The following NLE1 variants were observed in gnomAD, a reference collection of about 807,000 sequenced individuals.
NLE1 encodes notchless protein homolog 1.
NLE1 carries 37 observed loss-of-function variants against 62.8 expected under a neutral mutation model. That is an observed-to-expected ratio of 0.59 (90% CI 0.45 to 0.78). The LOEUF is 0.78. NLE1 is among the 30% of genes least tolerant of loss of function. The pLI is 0.00. For synonymous variants in NLE1, 243 were observed against 253.0 expected (o/e 0.96, Z 0.37); for missense variants, 555 against 637.9 (o/e 0.87, Z 1.40).
chr17:35,138,939 T>C (rs2091925978), intron 4 of NLE1, among the ~76,000 whole-genome samples: 1 of 152,002 alleles, frequency 6.6e-6, no homozygotes, highest in Non-Finnish European at 1.5e-5. Flanking sequence ...CTCAAGGACA[T>C]GGTCTCTACC....
At position 35,130,307 on chromosome 17, in the gene NLE1, G is replaced by C; in HGVS notation, c.*2130C>G. On this transcript the variant is annotated 3_prime_UTR_variant, in exon 13 of 13. Transcript: ENST00000442241. ...TTTGCAACCCTGGCCACTGACTTCA[G>C]CAGCTTTCCTGAGAACTACCCCATC... 6.2e-7 allele frequency: 1 copy of C among 1,614,038 alleles called. No individual in the cohort carries two copies. The highest frequency in any genetic ancestry group is 8.5e-7 in the Non-Finnish European group (1 of 1,179,960).
At chr17:35,138,869 A>C (rs1339520285) in intron 4 of NLE1, among the ~76,000 whole-genome samples, 1 of 152,038 alleles carries the variant, frequency 6.6e-6, no homozygotes, top group Non-Finnish European at 1.5e-5. Flanking sequence ...TCAGCCTCTC[A>C]CCATGTCCCA....
In NLE1 at chr17:35,142,050, A is replaced by C. The variant is rs2091947544; in HGVS notation, c.91T>G (p.Ser31Ala). ...FQDEGGQLLG[S>A]PFDVPVDITP... ...ATGTCCACGGGCACGTCGAACGGGG[A>C]ACCCAGCAGCTGCCCGCCCTCATCC... is the stretch of plus-strand genomic sequence containing the variant. Residue 31 changes from serine (S) to alanine (A), a missense_variant, in exon 2 of 13, where the codon TCC becomes GCC. Physicochemically the swap from Ser to Ala is moderately conservative, Grantham distance 99. Coordinates refer to ENST00000442241, the MANE Select transcript of NLE1 (RefSeq NM_018096.5). The C allele has an allele frequency of 6.2e-7, 1 of 1,612,510 alleles. No homozygotes were observed. Among genetic ancestry groups the C allele is most frequent in the Non-Finnish European group, 8.5e-7 (1 of 1,179,816 alleles).
rs2091865279 is a variant in NLE1 at position 35,129,734 on chromosome 17, G to A, written c.*2703C>T. On this transcript the variant is annotated 3_prime_UTR_variant, in exon 13 of 13. Transcript: ENST00000442241. ...AGGGAACCAGGGCTTTGGAGGTTGG[G>A]AACACCCCTATGCCCACATGACTCA... The A allele has an allele frequency of 6.5e-7, 1 of 1,548,986 alleles. No individual in the cohort carries two copies. Among genetic ancestry groups the A allele is most frequent in the African/African-American group, 1.4e-5 (1 of 73,146 alleles).
In NLE1 at chr17:35,136,354, T is replaced by A. The variant is rs1185276812; in HGVS notation, c.964+8A>T. On this transcript the variant is annotated splice_region_variant and intron_variant, in intron 8 of 12. Transcript: ENST00000442241. The stretch of plus-strand genomic sequence containing the variant: ...CAGCCCCCGCTCTTCCTTCTCCCAA[T>A]CACTCACAGGATCCTTGGAGGTCTT... 1 of 1,612,026 alleles carries A rather than the reference T, an allele frequency of 6.2e-7. No individual in the cohort carries two copies. Among genetic ancestry groups the A allele is most frequent in the African/African-American group, 1.3e-5 (1 of 74,900 alleles).
At chr17:35,139,184 C>A (rs748217560) in intron 4 of NLE1, 51 bp downstream of exon 4, 2 of 1,508,312 alleles carry the variant, frequency 1.3e-6, no homozygotes, top group Non-Finnish European at 1.8e-6. Context: ...CAGAGCAAGA[C>A]CTTGTCTCAA....
Position 35,137,841 on chromosome 17 carries a change from C to A in NLE1, c.510G>T (p.Lys170Asn), listed in dbSNP as rs749436682. The change falls in exon 5 of 13, where the codon AAG (lysine) becomes AAT (asparagine). Residue 170 changes from lysine to asparagine, a missense_variant. Transcript: ENST00000442241. ...LSISWSPDGR[K>N]LASGCKNGQI... ...GGCCATTCTTGCAGCCTGAGGCCAG[C>A]TTCCTGCCATCTGGAGACCAGGATA... is the stretch of plus-strand genomic sequence containing the variant. 1.2e-6 allele frequency: 2 copies of A among 1,613,736 alleles called. No homozygotes were observed. The highest frequency in any genetic ancestry group is 1.7e-6 in the Non-Finnish European group (2 of 1,179,716).
chr17:35,137,005 T>C lies in NLE1; in HGVS notation c.824A>G (p.His275Arg), dbSNP rs1171390576. 3 of 1,597,232 alleles carry C rather than the reference T, an allele frequency of 1.9e-6. No homozygotes were observed. Among genetic ancestry groups the C allele is most frequent in the Non-Finnish European group, 2.6e-6 (3 of 1,167,158 alleles). Residue 275 changes from histidine to arginine, a missense_variant, in exon 7 of 13, where the codon CAT (histidine) becomes CGT (arginine). By Grantham distance (29) the His-to-Arg change is conservative. Coordinates refer to ENST00000442241, the MANE Select transcript of NLE1 (RefSeq NM_018096.5). ...QDRTIKVWRA[H>R]DGVLCRTLQG... Reference sequence around the variant, plus strand: ...CTGAACCCTCCCAGCACTTACGTCATGAGCTCTCCAGACTTTGATGGTGCG... The same window carrying C: ...CTGAACCCTCCCAGCACTTACGTCACGAGCTCTCCAGACTTTGATGGTGCG...
Position 35,137,611 on chromosome 17 carries a change from C to T in NLE1, c.567G>A (p.Lys189=). 6.2e-7 allele frequency: 1 copy of T among 1,610,618 alleles called. No homozygotes were observed. Among genetic ancestry groups the T allele is most frequent in the South Asian group, 1.1e-5 (1 of 91,020 alleles). Residue 189 remains lysine, a synonymous_variant, in exon 6 of 13, where the codon AAG becomes AAA. Transcript: ENST00000442241. ...QILLWDPSTG[K]QVGRTLAGHS... is the part of the protein sequence containing the mutation. ...GGCCAGCGAGGGTCCTGCCCACCTG[C>T]TTCCCTGTGCTTGGGTCCCAGAGGA...
chr17:35,136,459 C>T lies in NLE1; in HGVS notation c.867G>A (p.Trp289Ter), dbSNP rs1032556813. ...LCRTLQGHGH[W>*]VNTMALSTDY... ...CAGTGCTGAGGGCCATGGTGTTCACCCAGTGGCCGTGGCCTTGCAGAGTCC... is the reference window on the plus strand; with the variant it reads ...CAGTGCTGAGGGCCATGGTGTTCACTCAGTGGCCGTGGCCTTGCAGAGTCC... Residue 289 changes from tryptophan (W) to a stop codon, truncating the protein, a stop_gained, in exon 8 of 13, where the codon TGG becomes TGA. Transcript: ENST00000442241. LOFTEE classifies it high-confidence loss of function. The T allele has an allele frequency of 6.2e-7, 1 of 1,614,060 alleles. No individual in the cohort carries two copies.
rs181125979 is a variant in NLE1, at chr17:35,137,064, T to C, written c.765A>G (p.Gly255=). The C allele has an allele frequency of 6.2e-7, 1 of 1,613,884 alleles. No individual in the cohort carries two copies. The highest frequency in any genetic ancestry group is 1.3e-5 in the African/African-American group (1 of 74,966). The change falls in exon 7 of 13, where the codon GGA becomes GGG. Residue 255 remains glycine (G), a synonymous_variant. Coordinates refer to ENST00000442241, the MANE Select transcript of NLE1 (RefSeq NM_018096.5). ...AGGCAGAGTAGAGAAGCCCGTCCCC[T>C]CCCCACCGGAGACAGGTGACCGACT... ...HTQSVTCLRW[G]GDGLLYSASQ...
At chr17:35,139,817 T>A in intron 3 of NLE1, 32 bp downstream of exon 3, 1 of 1,602,432 alleles carries the variant, frequency 6.2e-7, no homozygotes, top group South Asian at 1.1e-5. Flanking sequence ...CACCCCCACA[T>A]ACCCCCTCCA....
At chr17:35,135,494 A>G in intron 9 of NLE1, 43 bp from the exon 10 acceptor site, 1 of 1,594,718 alleles carries the variant, frequency 6.3e-7, no homozygotes, top group Non-Finnish European at 8.6e-7. Flanking sequence ...GTGGTCTCAG[A>G]AAGAAGGAGG....
Position 35,129,133 on chromosome 17 carries a change from A to G in NLE1, c.*3304T>C, listed in dbSNP as rs73288947. ...TGTGCTATCCAGTTCCTAACAGGCC[A>G]TGGACTGCTATCAGTTGGTGGCCCA... is the stretch of plus-strand genomic sequence containing the variant. On this transcript the variant is annotated 3_prime_UTR_variant, in exon 13 of 13. Coordinates refer to ENST00000442241, the MANE Select transcript of NLE1 (RefSeq NM_018096.5). 5.5e-4 allele frequency: 190 copies of G among 348,540 alleles called. No individual in the cohort carries two copies. Among genetic ancestry groups the G allele is most frequent in the African/African-American group, 3.7e-3 (180 of 48,912 alleles). The allele number at this position is 348,540 out of a possible 1,614,324, so 21.6% of individuals were successfully genotyped here. A position where few individuals can be genotyped will look rare whatever the true frequency, so the allele number is the denominator to read the frequency against.
Position 35,130,032 on chromosome 17 carries a change from T to C in NLE1, c.*2405A>G, listed in dbSNP as rs2091866921. On this transcript the variant is annotated 3_prime_UTR_variant, in exon 13 of 13. Coordinates refer to ENST00000442241, the MANE Select transcript of NLE1 (RefSeq NM_018096.5). The stretch of plus-strand genomic sequence containing the variant: ...GGGACGAAGAAGGGAACAGCCTGGG[T>C]ATGGGGTAGGGGTATGGGGGTATAG... 2.5e-5 allele frequency: 35 copies of C among 1,388,070 alleles called. No individual in the cohort carries two copies. The South Asian group carries it at 5.7e-4, about 23-fold the overall frequency. The allele number at this position is 1,388,070 out of a possible 1,614,324, so 86.0% of individuals were successfully genotyped here.
intron 12 of NLE1, 45 bp from the exon 13 acceptor site, chr17:35,132,494 A>C (rs1240372525): frequency 7.5e-7 from 1 of 1,335,436 alleles, no homozygotes; most frequent in Non-Finnish European, 9.7e-7. Flanking sequence ...CCACCTTAGG[A>C]AAGGGAGGCC....
Position 35,136,177 on chromosome 17 carries a change from G to A in NLE1, c.1003C>T (p.Leu335Phe), listed in dbSNP as rs767096395. The change falls in exon 9 of 13, where the codon CTC becomes TTC. Residue 335 changes from leucine to phenylalanine, a missense_variant. Coordinates refer to ENST00000442241, the MANE Select transcript of NLE1 (RefSeq NM_018096.5). ...LKERALSRYN[L>F]VRGQGPERLV... ...GGCTGGCACACACTCACCCGCACGA[G>A]GTTGTATCGGCTCAGAGCCCTCTCC... The A allele has an allele frequency of 6.2e-6, 10 of 1,614,194 alleles. 1 individual carries two copies. The highest frequency in any genetic ancestry group is 3.3e-4 in the Middle Eastern group (2 of 6,062).
intron 7 of NLE1, 39 bp from the exon 8 acceptor site, chr17:35,136,536 C>T (rs768969310): frequency 3.8e-6 from 6 of 1,586,098 alleles, no homozygotes; most frequent in Non-Finnish European, 4.3e-6. Flanking sequence ...ACACACTCCT[C>T]CCCACGCCTG....
chr17:35,140,562 G>T (rs2091937055), intron 2 of NLE1, among the ~76,000 whole-genome samples: 1 of 150,818 alleles, frequency 6.6e-6, no homozygotes, highest in Non-Finnish European at 1.5e-5. Context: ...AACAGCAGTT[G>T]CAGGACACTT....
Sources: allele counts gnomAD v4.1 joint callset (sites outside exome capture counted in the v4.1 genomes callset), GRCh38; gene constraint gnomAD v4.1.1; transcripts MANE v1.5; gene names NCBI Gene and HGNC (gene_info 2026-07-23, HGNC 2026-07-21).